The following CREB5 variants were observed in gnomAD, a reference collection of about 807,000 sequenced individuals.
The protein encoded by CREB5 is cyclic AMP-responsive element-binding protein 5.
CREB5 carries 19 observed loss-of-function variants against 57.1 expected under a neutral mutation model. That is an observed-to-expected ratio of 0.33 (90% CI 0.23 to 0.49). The LOEUF (loss-of-function observed/expected upper bound fraction) is 0.49. Among genes scored for constraint, CREB5 ranks in the 20% least tolerant of loss-of-function variants. CREB5 has a pLI of 0.99. For missense variants in CREB5, 579 were observed against 671.6 expected, an observed-to-expected ratio of 0.86 and a Z score of 1.52; for synonymous variants, 238 against 238.3, an observed-to-expected ratio of 1.00 and a Z score of 0.01.
At chr7:28,681,663 C>T (rs1375182365) in intron 5 of CREB5, among the ~76,000 whole-genome samples, 1 of 152,214 alleles carries the variant, frequency 6.6e-6, no homozygotes, top group Non-Finnish European at 1.5e-5. Flanking sequence ...GAGATCCTCT[C>T]CATAGCTGGC....
chr7:28,715,757 G>T (rs563722946), intron 5 of CREB5, among the ~76,000 whole-genome samples: 1 of 152,310 alleles, frequency 6.6e-6, no homozygotes, highest in Non-Finnish European at 1.5e-5. Flanking sequence ...TATAGAATCT[G>T]TGTAGAACAA....
chr7:28,442,716 C>T (rs1789249306), intron 1 of CREB5, among the ~76,000 whole-genome samples: 1 of 152,104 alleles, frequency 6.6e-6, no homozygotes, highest in Admixed American at 6.6e-5. Flanking sequence ...GTTTTAACCA[C>T]TAAGTTGTAT....
rs899032123 is a variant in CREB5 at position 28,511,870 on chromosome 7, C to A, written c.291+4133C>A. ...GGCTGCTGAGTTGAAAGCAAACTATCGAAGAGCAGTGGCTGAGAGAGAGAC... is the reference window on the plus strand; with the variant it reads ...GGCTGCTGAGTTGAAAGCAAACTATAGAAGAGCAGTGGCTGAGAGAGAGAC... On this transcript the variant is annotated intron_variant, in intron 4 of 10. Coordinates refer to ENST00000357727, the MANE Select transcript of CREB5 (RefSeq NM_182898.4). Among the ~76,000 whole-genome samples the A allele has an allele frequency of 3.9e-5, 6 of 152,258 alleles. No homozygotes were observed. The East Asian group carries it at 1.2e-3, about 29-fold the overall frequency.
intron 4 of CREB5, among the ~76,000 whole-genome samples, chr7:28,514,468 T>G (rs1190819912): frequency 1.3e-5 from 2 of 152,196 alleles, no homozygotes; most frequent in Admixed American, 1.3e-4. Context: ...CCATCTCGGC[T>G]CACTGCAAGC....
chr7:28,383,459 A>G (rs4722792), intron 1 of CREB5, among the ~76,000 whole-genome samples: 148,511 of 152,294 alleles, frequency 0.98, 72,516 homozygotes, highest in South Asian at 1. Context: ...CACAGGAAGC[A>G]TGGCACCAGC....
At chr7:28,468,527 T>C (rs530267958) in intron 1 of CREB5, among the ~76,000 whole-genome samples, 1 of 152,152 alleles carries the variant, frequency 6.6e-6, no homozygotes, top group African/African-American at 2.4e-5. Context: ...TCATGGGCAA[T>C]GGGTTGAGCA....
At chr7:28,391,911 C>T (rs947719991) in intron 1 of CREB5, among the ~76,000 whole-genome samples, 2 of 152,172 alleles carry the variant, frequency 1.3e-5, no homozygotes, top group East Asian at 3.8e-4. Flanking sequence ...TCTCTCCTTT[C>T]CTAATGTGGC....
In CREB5 at chr7:28,720,713, A is replaced by G. The variant is rs555649570; in HGVS notation, c.591+1834A>G. Among the ~76,000 whole-genome samples the G allele has an allele frequency of 2.0e-5, 3 of 152,310 alleles. No individual in the cohort carries two copies. In the East Asian group the frequency reaches 5.8e-4, roughly 29 times the overall value. On this transcript the variant is annotated intron_variant, in intron 6 of 10. Coordinates refer to ENST00000357727, the MANE Select transcript of CREB5 (RefSeq NM_182898.4). Reference sequence around the variant, plus strand: ...CTCTCCTTAGACCCCTTTACATGAAAGAAAACAGCACCATCAATGCAATTA... The same window carrying G: ...CTCTCCTTAGACCCCTTTACATGAAGGAAAACAGCACCATCAATGCAATTA...
At chr7:28,449,520 A>C (rs1789682076) in intron 1 of CREB5, among the ~76,000 whole-genome samples, 1 of 151,608 alleles carries the variant, frequency 6.6e-6, no homozygotes, top group Admixed American at 6.6e-5. Flanking sequence ...CTACATTTCC[A>C]CCTTTGGCAT....
At chr7:28,333,775 T>G (rs958868398) in intron 1 of CREB5, among the ~76,000 whole-genome samples, 4 of 150,390 alleles carry the variant, frequency 2.7e-5, no homozygotes, top group South Asian at 4.1e-4. Context: ...ATGTACCACA[T>G]TTTTTTAATC....
At chr7:28,319,048 A>G (rs537984139) in intron 1 of CREB5, among the ~76,000 whole-genome samples, 2 of 152,272 alleles carry the variant, frequency 1.3e-5, no homozygotes, top group Non-Finnish European at 2.9e-5. Flanking sequence ...GTGGAGTGAC[A>G]TATGGGGTCA....
chr7:28,410,487 C>G (rs1787735826), upstream of CREB5: 1 of 456,596 alleles, frequency 2.2e-6, no homozygotes, highest in Admixed American at 2.3e-5. Context: ...TGTTTTCTCT[C>G]AGCAGCTGCA....
chr7:28,494,815 A>C, intron 2 of CREB5, 91 bp from the exon 3 acceptor site: 1 of 782,470 alleles, frequency 1.3e-6, no homozygotes, highest in Admixed American at 2.9e-5. Context: ...TTGCAATGCT[A>C]AATAAGTCTT....
chr7:28,592,317 C>T (rs991341086), intron 5 of CREB5, among the ~76,000 whole-genome samples: 1 of 152,140 alleles, frequency 6.6e-6, no homozygotes, highest in Non-Finnish European at 1.5e-5. Context: ...GCAACTGTGG[C>T]CAACATAATT....
At chr7:28,513,275 C>T (rs1298350424) in intron 4 of CREB5, among the ~76,000 whole-genome samples, 3 of 152,194 alleles carry the variant, frequency 2.0e-5, no homozygotes, top group Non-Finnish European at 2.9e-5. Context: ...TGCACATTTC[C>T]GGTTATGCTA....
chr7:28,758,785 T>C lies in CREB5; in HGVS notation c.702+34453T>C, dbSNP rs183169187. On this transcript the variant is annotated intron_variant, in intron 7 of 10. Transcript: ENST00000357727. Reference sequence around the variant, plus strand: ...CAAAGTCGAGCACAAAGTCCCATGATGTATGGAGTCCTCTAGGAGAAATTG... The same window carrying C: ...CAAAGTCGAGCACAAAGTCCCATGACGTATGGAGTCCTCTAGGAGAAATTG... Among the ~76,000 whole-genome samples the C allele has an allele frequency of 2.0e-4, 30 of 152,372 alleles. No individual in the cohort carries two copies. In the East Asian group the frequency reaches 5.0e-3, roughly 25 times the overall value.
intron 7 of CREB5, among the ~76,000 whole-genome samples, chr7:28,782,025 T>C (rs1447123333): frequency 1.3e-5 from 2 of 151,612 alleles, no homozygotes; most frequent in African/African-American, 2.4e-5. Flanking sequence ...CAGCTTCCCA[T>C]GTAGCTGGGA....
At chr7:28,353,702 G>A (rs945362764) in intron 1 of CREB5, among the ~76,000 whole-genome samples, 1 of 152,018 alleles carries the variant, frequency 6.6e-6, no homozygotes, top group Non-Finnish European at 1.5e-5. Context: ...AATTAGCTGG[G>A]TGTGGTGGCA....
chr7:28,307,192 C>A (rs903597147), intron 1 of CREB5, among the ~76,000 whole-genome samples: 1 of 152,210 alleles, frequency 6.6e-6, no homozygotes, highest in African/African-American at 2.4e-5. Flanking sequence ...CACACTCAGC[C>A]AGCTCTGTGG....
Sources: allele counts gnomAD v4.1 joint callset (sites outside exome capture counted in the v4.1 genomes callset), GRCh38; gene constraint gnomAD v4.1.1; transcripts MANE v1.5; gene names NCBI Gene and HGNC (gene_info 2026-07-23, HGNC 2026-07-21).